DRC11: variants seen among roughly 807,000 people sequenced by gnomAD.
The protein encoded by DRC11 is dynein regulatory complex subunit 11.
chr2:236,401,114 C>T, the DRC11 span, among the ~76,000 whole-genome samples: 1 of 152,152 alleles, frequency 6.6e-6, no homozygotes, highest in South Asian at 2.1e-4. The surrounding 1 kb of genome is among the most constrained non-coding windows in gnomAD (Gnocchi z 4.6). Flanking sequence ...GTCCAAGCCC[C>T]TCAGCAGACC....
the DRC11 span, chr2:236,367,994 G>A: frequency 8.3e-6 from 5 of 604,640 alleles, no homozygotes; most frequent in Admixed American, 7.6e-5. This position sits in a 1 kb window ranked among gnomAD's most constrained non-coding sequence, Gnocchi z 4.8. Flanking sequence ...ACGCAGAGAG[G>A]GTGCAGAAGT....
the DRC11 span, among the ~76,000 whole-genome samples, chr2:236,424,342 T>C: frequency 6.6e-6 from 1 of 152,210 alleles, no homozygotes; most frequent in Non-Finnish European, 1.5e-5. Flanking sequence ...TCTTACCAAT[T>C]ATATGGTTTA....
the DRC11 span, among the ~76,000 whole-genome samples, chr2:236,420,047 T>C: frequency 6.6e-6 from 1 of 152,164 alleles, no homozygotes; most frequent in African/African-American, 2.4e-5. The surrounding 1 kb of genome is among the most constrained non-coding windows in gnomAD (Gnocchi z 4.8). Flanking sequence ...TCTCTGAGAC[T>C]CAGTTTCCTC....
the DRC11 span, among the ~76,000 whole-genome samples, chr2:236,443,029 G>T: frequency 1.3e-5 from 2 of 152,088 alleles, no homozygotes; most frequent in African/African-American, 4.8e-5. This position sits in a 1 kb window ranked among gnomAD's most constrained non-coding sequence, Gnocchi z 4.4. Flanking sequence ...CAATCTTCAC[G>T]TTTTGGTATG....
chr2:236,501,109 T>C, the DRC11 span, among the ~76,000 whole-genome samples: 1 of 152,120 alleles, frequency 6.6e-6, no homozygotes, highest in African/African-American at 2.4e-5. Context: ...CTTTTACTCA[T>C]GGTGGAGGCA....
chr2:236,444,136 G>A, the DRC11 span, among the ~76,000 whole-genome samples: 10 of 151,992 alleles, frequency 6.6e-5, no homozygotes, highest in Admixed American at 3.3e-4. Flanking sequence ...CCATTCTGTA[G>A]GTTGTCTGTT....
At chr2:236,464,982 T>C in the DRC11 span, among the ~76,000 whole-genome samples, 1 of 152,204 alleles carries the variant, frequency 6.6e-6, no homozygotes, top group Non-Finnish European at 1.5e-5. Flanking sequence ...TTGTAGAGCC[T>C]TGAGCCAATT....
chr2:236,310,788 C>A, the DRC11 span, among the ~76,000 whole-genome samples: 1 of 152,194 alleles, frequency 6.6e-6, no homozygotes, highest in East Asian at 1.9e-4. This position sits in a 1 kb window ranked among gnomAD's most constrained non-coding sequence, Gnocchi z 5.5. Flanking sequence ...AATACACACA[C>A]AAAAGCTAGG....
the DRC11 span, among the ~76,000 whole-genome samples, chr2:236,357,271 A>AGATT: frequency 3.2e-5 from 3 of 92,328 alleles, 1 homozygote; most frequent in African/African-American, 1.2e-4. Flanking sequence ...TTATAAATAT[A>AGATT]CATATATTAT....
chr2:236,317,935 G>A, the DRC11 span, among the ~76,000 whole-genome samples: 7 of 152,168 alleles, frequency 4.6e-5, no homozygotes, highest in African/African-American at 9.7e-5. The surrounding 1 kb of genome is among the most constrained non-coding windows in gnomAD (Gnocchi z 5.4). Context: ...CTGGGGTCCC[G>A]TGGGAGGGTC....
At chr2:236,454,667 G>A in the DRC11 span, 1 of 152,146 alleles carries the variant, frequency 6.6e-6, no homozygotes, top group Non-Finnish European at 1.5e-5. The surrounding 1 kb of genome is among the most constrained non-coding windows in gnomAD (Gnocchi z 5.3). Context: ...GACTATAAAG[G>A]GAAAGAATAC....
chr2:236,444,703 T>C, the DRC11 span, among the ~76,000 whole-genome samples: 1,480 of 152,326 alleles, frequency 9.7e-3, 13 homozygotes, highest in Non-Finnish European at 0.016. Context: ...AAACAGAACC[T>C]GATTCTCTTT....
At chr2:236,489,968 C>T in the DRC11 span, among the ~76,000 whole-genome samples, 2 of 152,122 alleles carry the variant, frequency 1.3e-5, no homozygotes, top group African/African-American at 4.8e-5. Flanking sequence ...AGCACCAAAG[C>T]ATAGGTGAAG....
chr2:236,370,967 T>C, the DRC11 span, among the ~76,000 whole-genome samples: 1 of 152,162 alleles, frequency 6.6e-6, no homozygotes, highest in Non-Finnish European at 1.5e-5. This position sits in a 1 kb window ranked among gnomAD's most constrained non-coding sequence, Gnocchi z 5.5. Flanking sequence ...CTAATGACTG[T>C]TGGGAGTTCA....
the DRC11 span, among the ~76,000 whole-genome samples, chr2:236,345,316 A>C: frequency 2.0e-5 from 3 of 147,060 alleles, no homozygotes; most frequent in African/African-American, 5.0e-5. Flanking sequence ...ACAAGTCCCC[A>C]CCCCCCCCAA....
chr2:236,473,249 A>G, the DRC11 span, among the ~76,000 whole-genome samples: 2 of 152,136 alleles, frequency 1.3e-5, no homozygotes, highest in Non-Finnish European at 2.9e-5. The surrounding 1 kb of genome is among the most constrained non-coding windows in gnomAD (Gnocchi z 4.8). Flanking sequence ...AGCAATTCCC[A>G]AAGAGGAACC....
chr2:236,424,016 A>G, the DRC11 span, among the ~76,000 whole-genome samples: 1 of 134,810 alleles, frequency 7.4e-6, no homozygotes, highest in East Asian at 2.3e-4. Flanking sequence ...ACACATGGAC[A>G]CAGGAAGGGG....
chr2:236,427,663 T>G, the DRC11 span, among the ~76,000 whole-genome samples: 1 of 152,142 alleles, frequency 6.6e-6, no homozygotes, highest in African/African-American at 2.4e-5. This position sits in a 1 kb window ranked among gnomAD's most constrained non-coding sequence, Gnocchi z 5.9. Flanking sequence ...TAACAGCCTG[T>G]CAATTTTATC....
the DRC11 span, among the ~76,000 whole-genome samples, chr2:236,444,996 A>C: frequency 6.6e-6 from 1 of 152,180 alleles, no homozygotes; most frequent in Non-Finnish European, 1.5e-5. Flanking sequence ...TCCGCCACAG[A>C]CCCGTGCATC....
Sources: allele counts gnomAD v4.1 joint callset (sites outside exome capture counted in the v4.1 genomes callset), GRCh38; gene constraint gnomAD v4.1.1; non-coding constraint Gnocchi (gnomAD v3.1); transcripts MANE v1.5; gene names NCBI Gene and HGNC (gene_info 2026-07-23, HGNC 2026-07-21).